CHD9: variants seen among roughly 807,000 people sequenced by gnomAD.
CHD9 encodes chromodomain helicase DNA binding protein 9.
In CHD9, 77 loss-of-function variants were observed where a neutral mutation model predicts 316.1. That is an observed-to-expected ratio of 0.24 (90% confidence interval 0.20 to 0.29). The LOEUF (loss-of-function observed/expected upper bound fraction) is 0.29. Among genes scored for constraint, CHD9 ranks in the 10% least tolerant of loss-of-function variants. CHD9 has a pLI of 1.00. For synonymous variants in CHD9, 1,129 were observed against 1,158.3 expected (o/e 0.97, Z 0.51); for missense variants, 2,763 against 3,438.1 (o/e 0.80, Z 4.91).
At chr16:53,133,890 C>T (rs2039521843) in intron 1 of CHD9, among the ~76,000 whole-genome samples, 1 of 151,684 alleles carries the variant, frequency 6.6e-6, no homozygotes, top group African/African-American at 2.4e-5. Flanking sequence ...AGGAGGGGCT[C>T]GATATATGAA....
At chr16:53,261,107 AAAG>A (rs1253728695) in intron 19 of CHD9, among the ~76,000 whole-genome samples, 1 of 151,812 alleles carries the variant, frequency 6.6e-6, no homozygotes, top group Non-Finnish European at 1.5e-5. Context: ...AAAAAAAAAA[AAAG>A]GGAATTTAAA....
chr16:53,282,491 A>G (rs1374796365), intron 24 of CHD9, among the ~76,000 whole-genome samples: 2 of 152,282 alleles, frequency 1.3e-5, no homozygotes, highest in Non-Finnish European at 2.9e-5. Flanking sequence ...CTGTAGTCCC[A>G]GCTACTCTGG....
intron 1 of CHD9, among the ~76,000 whole-genome samples, chr16:53,144,947 A>C (rs2040444852): frequency 6.7e-6 from 1 of 150,214 alleles, no homozygotes; most frequent in South Asian, 2.1e-4. Flanking sequence ...AGCTATGATC[A>C]TGCCACCACT....
At chr16:53,223,157 GA>G (rs2047380902) in intron 4 of CHD9, among the ~76,000 whole-genome samples, 1 of 151,558 alleles carries the variant, frequency 6.6e-6, no homozygotes, top group Non-Finnish European at 1.5e-5. Flanking sequence ...ATCATTCCTA[GA>G]AATAATTCCT....
intron 38 of CHD9, among the ~76,000 whole-genome samples, chr16:53,322,717 T>G (rs2057356789): frequency 6.6e-6 from 1 of 152,164 alleles, no homozygotes; most frequent in Non-Finnish European, 1.5e-5. Context: ...GGTGAATAAT[T>G]AATAGATATT....
At chr16:53,175,349 C>G (rs2043031534) in intron 2 of CHD9, among the ~76,000 whole-genome samples, 1 of 152,210 alleles carries the variant, frequency 6.6e-6, no homozygotes, top group South Asian at 2.1e-4. Flanking sequence ...CTGTTCTATT[C>G]TGCAGTTTGC....
intron 3 of CHD9, among the ~76,000 whole-genome samples, chr16:53,210,319 A>G (rs1184529739): frequency 6.6e-6 from 1 of 151,528 alleles, no homozygotes; most frequent in Non-Finnish European, 1.5e-5. Flanking sequence ...CTAATACCAT[A>G]TAAATCAACA....
chr16:53,313,803 A>G (rs1675365176), intron 34 of CHD9, among the ~76,000 whole-genome samples: 2 of 151,870 alleles, frequency 1.3e-5, no homozygotes, highest in Admixed American at 1.3e-4. Context: ...ATACAAAAAA[A>G]TTAGTTGGGC....
At chr16:53,202,054 G>T (rs756878045) in intron 2 of CHD9, among the ~76,000 whole-genome samples, 2 of 151,608 alleles carry the variant, frequency 1.3e-5, no homozygotes, top group Non-Finnish European at 2.9e-5. Context: ...AAGAGATTGT[G>T]TCTTGCTATG....
chr16:53,181,202 C>T (rs1371424270), intron 2 of CHD9, among the ~76,000 whole-genome samples: 2 of 151,842 alleles, frequency 1.3e-5, no homozygotes, highest in East Asian at 1.9e-4. Flanking sequence ...GTAGACATGG[C>T]GTTTCTCCAT....
At chr16:53,077,861 G>A (rs186443874) in intron 1 of CHD9, among the ~76,000 whole-genome samples, 1 of 152,230 alleles carries the variant, frequency 6.6e-6, no homozygotes, top group East Asian at 1.9e-4. Flanking sequence ...ATCACTTGAG[G>A]TCAGAGTTCA....
At chr16:53,274,510 C>T (rs2052598320) in intron 24 of CHD9, among the ~76,000 whole-genome samples, 1 of 152,150 alleles carries the variant, frequency 6.6e-6, no homozygotes, top group East Asian at 1.9e-4. Flanking sequence ...GGGTGGAGTG[C>T]AGTGGCACAA....
chr16:53,129,607 A>G (rs2039126910), intron 1 of CHD9, among the ~76,000 whole-genome samples: 1 of 152,260 alleles, frequency 6.6e-6, no homozygotes, highest in Admixed American at 6.5e-5. Context: ...AAACAAGCGC[A>G]GTGTCGCTCC....
intron 1 of CHD9, among the ~76,000 whole-genome samples, chr16:53,146,436 T>TATATATATATATATATATATATATATA (rs1385131635): frequency 1.5e-5 from 2 of 130,972 alleles, no homozygotes; most frequent in African/African-American, 6.3e-5. Context: ...TATATATATA[T>TATATATATATATATATATATATATATA]AATTAAAAAG....
At chr16:53,247,651 G>A in intron 16 of CHD9, 148 bp downstream of exon 16, 1 of 645,386 alleles carries the variant, frequency 1.5e-6, no homozygotes, top group African/African-American at 1.8e-5. Context: ...GATTGTTTAG[G>A]ATTATGTGTT....
intron 1 of CHD9, among the ~76,000 whole-genome samples, chr16:53,091,044 TC>T (rs1371216862): frequency 6.6e-6 from 1 of 151,488 alleles, no homozygotes; most frequent in Admixed American, 6.6e-5. Context: ...TTCCTTCCTC[TC>T]CCCCGCCCTT....
chr16:53,266,257 C>T (rs1182787518), intron 20 of CHD9, among the ~76,000 whole-genome samples: 1 of 152,140 alleles, frequency 6.6e-6, no homozygotes, highest in Non-Finnish European at 1.5e-5. Flanking sequence ...AGTGGAGAAA[C>T]TTGGCAAAAG....
intron 22 of CHD9, among the ~76,000 whole-genome samples, chr16:53,272,745 T>C (rs182248014): frequency 3.4e-4 from 52 of 152,260 alleles, no homozygotes; most frequent in African/African-American, 1.2e-3. Context: ...ACATAGGTAA[T>C]AATAGTTCAA....
chr16:53,093,615 T>C (rs1299421539), intron 1 of CHD9, among the ~76,000 whole-genome samples: 2 of 152,220 alleles, frequency 1.3e-5, no homozygotes, highest in African/African-American at 4.8e-5. Context: ...ACCTTTCTGT[T>C]TGATAAGCAC....
Sources: allele counts gnomAD v4.1 joint callset (sites outside exome capture counted in the v4.1 genomes callset), GRCh38; gene constraint gnomAD v4.1.1; transcripts MANE v1.5; gene names NCBI Gene and HGNC (gene_info 2026-07-23, HGNC 2026-07-21).